The following ARHGEF11 variants were observed in gnomAD, a reference collection of about 807,000 sequenced individuals.
ARHGEF11 encodes the protein Rho guanine nucleotide exchange factor 11, also known as Rho guanine exchange factor (GEF) 11.
A neutral mutation model predicts 193.7 loss-of-function variants in ARHGEF11; 55 were observed. The observed-to-expected ratio is 0.28, with a 90% CI of 0.23 to 0.36. The LOEUF is 0.36. Ranked by LOEUF, ARHGEF11 falls within the 10% of genes least tolerant of loss-of-function variation. The pLI is 1.00. For synonymous variants in ARHGEF11, 693 were observed against 768.0 expected, an observed-to-expected ratio of 0.90 and a Z score of 1.62; for missense variants, 1,723 against 2,005.6, an observed-to-expected ratio of 0.86 and a Z score of 2.69.
In ARHGEF11 at chr1:156,956,514, C is replaced by T. The variant is rs777668643; in HGVS notation, c.1577G>A (p.Arg526His). 1.7e-5 allele frequency: 28 copies of T among 1,613,966 alleles called. No homozygotes were observed. The highest frequency in any genetic ancestry group is 4.5e-5 in the East Asian group (2 of 44,886). The change falls in exon 19 of 41, where the codon CGT becomes CAT. Residue 526 changes from arginine (R) to histidine (H), a missense_variant. By Grantham distance (29) the Arg-to-His change is conservative (BLOSUM62 0). Coordinates refer to ENST00000368194, the MANE Select transcript of ARHGEF11 (RefSeq NM_198236.3). ...GTTGGAAGGTCGTGCCTCTCGAAGACGGATCCCAGCATGGCTCATGTAGGT... is the reference window on the plus strand; with the variant it reads ...GTTGGAAGGTCGTGCCTCTCGAAGATGGATCCCAGCATGGCTCATGTAGGT... The part of the protein sequence containing the change: ...LNTYMSHAGI[R>H]LREARPSNTA...
At chr1:156,956,714 G>A in intron 18 of ARHGEF11, 150 bp from the exon 19 acceptor site, 1 of 1,225,856 alleles carries the variant, frequency 8.2e-7, no homozygotes, top group Non-Finnish European at 1.1e-6. Context: ...AAATGGGACA[G>A]CAGGCAGAAG....
intron 14 of ARHGEF11, among the ~76,000 whole-genome samples, chr1:156,960,667 C>G (rs1660697317): frequency 6.6e-6 from 1 of 152,202 alleles, no homozygotes; most frequent in African/African-American, 2.4e-5. Flanking sequence ...ACAGAGCAAG[C>G]TGGTACTATA....
At chr1:156,971,037 A>G (rs529306092) in intron 8 of ARHGEF11, among the ~76,000 whole-genome samples, 95 of 152,288 alleles carry the variant, frequency 6.2e-4, no homozygotes, top group African/African-American at 2.2e-3. Flanking sequence ...ATTAATTCCT[A>G]TTGGCTTTGT....
chr1:156,990,997 T>C (rs1665617784), intron 1 of ARHGEF11, among the ~76,000 whole-genome samples: 1 of 152,224 alleles, frequency 6.6e-6, no homozygotes, highest in South Asian at 2.1e-4. Flanking sequence ...GTTAGAAAAA[T>C]TTATTATAAA....
chr1:156,994,392 G>GTTT (rs33948204), intron 1 of ARHGEF11, among the ~76,000 whole-genome samples: 21,859 of 143,906 alleles, frequency 0.15, 2,164 homozygotes, highest in East Asian at 0.4. Context: ...TTTATTGTGT[G>GTTT]TTTTTTTTTT....
chr1:157,043,165 A>G (rs1672964527), intron 1 of ARHGEF11, among the ~76,000 whole-genome samples: 1 of 152,214 alleles, frequency 6.6e-6, no homozygotes, highest in African/African-American at 2.4e-5. Context: ...TATTATTAGC[A>G]TGGATAACCG....
In ARHGEF11 at chr1:156,979,277, T is replaced by A; in HGVS notation, c.283A>T (p.Thr95Ser). The change falls in exon 5 of 41, where the codon ACC becomes TCC. Residue 95 changes from threonine to serine, a missense_variant. By Grantham distance (58) the Thr-to-Ser change is moderately conservative. Coordinates refer to ENST00000368194, the MANE Select transcript of ARHGEF11 (RefSeq NM_198236.3). ...EGDRIIKVNG[T>S]MVTNSSHLEV... ...AGGTGTGAGCTATTGGTCACCATGG[T>A]GCCGTTGACCTGTTGGAGGGACAAA... 6.2e-7 allele frequency: 1 copy of A among 1,613,588 alleles called. No individual in the cohort carries two copies. Among genetic ancestry groups the A allele is most frequent in the Admixed American group, 1.7e-5 (1 of 59,978 alleles).
At chr1:157,038,029 CAA>C (rs145416871) in intron 1 of ARHGEF11, among the ~76,000 whole-genome samples, 5 of 45,520 alleles carry the variant, frequency 1.1e-4, no homozygotes, top group African/African-American at 3.7e-4. Context: ...AAGACTGTCT[CAA>C]AAAAAAAAAA....
Position 156,943,918 on chromosome 1 carries a change from A to C in ARHGEF11, c.3235+17T>G. The C allele has an allele frequency of 6.2e-7, 1 of 1,603,452 alleles. No homozygotes were observed. The highest frequency in any genetic ancestry group is 8.5e-7 in the Non-Finnish European group (1 of 1,173,142). Reference sequence around the variant, plus strand: ...GTCCCTGAGCCCCAGGCCAGCCTGGACCATCTCCCCAGGTACCTGTGGCCA... The same window carrying C: ...GTCCCTGAGCCCCAGGCCAGCCTGGCCCATCTCCCCAGGTACCTGTGGCCA... On this transcript the variant is annotated intron_variant, in intron 32 of 40. Coordinates refer to ENST00000368194, the MANE Select transcript of ARHGEF11 (RefSeq NM_198236.3).
intron 1 of ARHGEF11, among the ~76,000 whole-genome samples, chr1:157,011,125 C>T (rs904150279): frequency 6.6e-6 from 1 of 152,250 alleles, no homozygotes; most frequent in Non-Finnish European, 1.5e-5. Flanking sequence ...AGTCAGTATG[C>T]GACTGGCATA....
intron 20 of ARHGEF11, among the ~76,000 whole-genome samples, chr1:156,955,374 T>C (rs1659797703): frequency 6.6e-6 from 1 of 152,080 alleles, no homozygotes; most frequent in Non-Finnish European, 1.5e-5. Flanking sequence ...TTATAGACCC[T>C]TGGATGAAGG....
At chr1:156,967,292 G>A (rs1453817065) in intron 11 of ARHGEF11, among the ~76,000 whole-genome samples, 1 of 152,182 alleles carries the variant, frequency 6.6e-6, no homozygotes, top group Admixed American at 6.5e-5. Context: ...ATATTTAGAT[G>A]TCTAACAACG....
intron 36 of ARHGEF11, 37 bp from the exon 37 acceptor site, chr1:156,939,947 G>T: frequency 6.3e-7 from 1 of 1,591,148 alleles, no homozygotes; most frequent in South Asian, 1.1e-5. Flanking sequence ...CCCAGCATGG[G>T]ACTGCACACC....
intron 22 of ARHGEF11, chr1:156,949,177 G>A (rs1658693394): frequency 1.1e-6 from 1 of 947,538 alleles, no homozygotes; most frequent in Admixed American, 6.2e-5. Context: ...GTGCTTAAAG[G>A]GGCCTTTTTA....
intron 1 of ARHGEF11, among the ~76,000 whole-genome samples, chr1:156,988,169 C>A (rs752533157): frequency 6.6e-6 from 1 of 152,124 alleles, no homozygotes; most frequent in Non-Finnish European, 1.5e-5. Context: ...AAATACCCAA[C>A]TGAAAATGCG....
chr1:156,971,960 C>A, intron 7 of ARHGEF11, 144 bp from the exon 8 acceptor site: 2 of 952,464 alleles, frequency 2.1e-6, no homozygotes, highest in Admixed American at 5.7e-5. Context: ...CAAGTAGATG[C>A]ACGGTATTTC....
Position 156,944,402 on chromosome 1 carries a change from T to G in ARHGEF11, c.3023A>C (p.His1008Pro). The change falls in exon 31 of 41, where the codon CAT becomes CCT. Residue 1008 changes from histidine (H) to proline (P), a missense_variant. By Grantham distance (77) the His-to-Pro change is moderately conservative. Transcript: ENST00000368194. The stretch of plus-strand genomic sequence containing the variant: ...GATCCTCCAGGTCAGGGGTCCCTCA[T>G]GGATCATTTTTCTGGTTGTAAGATC... ...SLDLTTRKMI[H>P]EGPLTWRISK... The G allele has an allele frequency of 1.2e-6, 2 of 1,614,088 alleles. No individual in the cohort carries two copies. The highest frequency in any genetic ancestry group is 2.2e-5 in the East Asian group (1 of 44,844).
chr1:156,942,821 T>G, intron 32 of ARHGEF11, 41 bp from the exon 33 acceptor site: 1 of 1,564,954 alleles, frequency 6.4e-7, no homozygotes, highest in African/African-American at 1.4e-5. Context: ...GTACTAGGGA[T>G]GGCAGGTGTG....
intron 30 of ARHGEF11, 108 bp from the exon 31 acceptor site, chr1:156,944,541 T>G: frequency 8.4e-7 from 1 of 1,192,408 alleles, no homozygotes; most frequent in Non-Finnish European, 1.2e-6. Context: ...AATTGGTAAA[T>G]AAGAAAAAGT....
Sources: gnomAD v4.1 joint callset for allele counts (sites outside exome capture counted in the v4.1 genomes callset) on GRCh38, gnomAD v4.1.1 for gene constraint, MANE v1.5 for transcripts, NCBI Gene and HGNC (gene_info 2026-07-23, HGNC 2026-07-21) for gene names.